Variants in ADGRV1 observed in about 807,000 individuals in gnomAD.
ADGRV1 encodes adhesion G protein-coupled receptor V1, also known as G-protein coupled receptor 98.
ADGRV1 carries 359 observed loss-of-function variants against 596.2 expected under a neutral mutation model. That is an observed-to-expected ratio of 0.60 (90% CI 0.55 to 0.66). The LOEUF (loss-of-function observed/expected upper bound fraction) is 0.66, where lower values mean the gene tolerates loss of function less well. ADGRV1 is among the 30% of genes least tolerant of loss of function. The probability of loss-of-function intolerance (pLI) is 0.00; values close to 1 mark genes in which losing one functional copy is unlikely to be tolerated. For synonymous variants in ADGRV1, 2,681 were observed against 2,679.2 expected (o/e 1.00, Z -0.02); for missense variants, 7,274 against 7,575.6 (o/e 0.96, Z 1.48).
chr5:91,131,188 T>C (rs569888737), intron 87 of ADGRV1, among the ~76,000 whole-genome samples: 50 of 152,326 alleles, frequency 3.3e-4, no homozygotes, highest in African/African-American at 1.2e-3. Context: ...ATTTGAGAAA[T>C]CTCCAAACTG....
At chr5:90,980,529 G>T (rs912576621) in intron 84 of ADGRV1, among the ~76,000 whole-genome samples, 1 of 152,124 alleles carries the variant, frequency 6.6e-6, no homozygotes, top group South Asian at 2.1e-4. Context: ...AGGGTGGGTG[G>T]TCTTAAGATA....
At chr5:90,559,042 C>T (rs1754448865) in intron 1 of ADGRV1, 125 bp downstream of exon 1, 2 of 795,540 alleles carry the variant, frequency 2.5e-6, no homozygotes, top group Non-Finnish European at 3.6e-6. Context: ...CAGCCGGGCC[C>T]AGGGAGGCTG....
intron 9 of ADGRV1, 26 bp from the exon 10 acceptor site, chr5:90,635,088 A>G (rs780866150): frequency 2.1e-6 from 3 of 1,446,492 alleles, no homozygotes; most frequent in Non-Finnish European, 2.9e-6. Flanking sequence ...AATTCTTACT[A>G]CTTTTTGTGT....
chr5:90,790,939 A>G lies in ADGRV1; in HGVS notation c.14110A>G (p.Thr4704Ala), dbSNP rs1760001225. The change falls in exon 70 of 90, where the codon ACC becomes GCC. Residue 4704 changes from threonine (T) to alanine (A), a missense_variant. By Grantham distance (58) the Thr-to-Ala change is moderately conservative. This residue lies in a region of ADGRV1 where 1,874 missense variants were observed against 1,970.2 expected (regional missense o/e 0.95). Coordinates refer to ENST00000405460, the MANE Select transcript of ADGRV1 (RefSeq NM_032119.4). ...EDFLSTSGFFTIADGESEASF... is the reference protein window; with the variant it reads ...EDFLSTSGFFAIADGESEASF... Reference sequence around the variant, plus strand: ...CTTTCTTTCCACCAGTGGATTTTTCACCATTGCTGATGGAGAGAGTGAAGC... The same window carrying G: ...CTTTCTTTCCACCAGTGGATTTTTCGCCATTGCTGATGGAGAGAGTGAAGC... The G allele has an allele frequency of 6.2e-7, 1 of 1,612,302 alleles. No homozygotes were observed. The highest frequency in any genetic ancestry group is 8.5e-7 in the Non-Finnish European group (1 of 1,179,812).
At chr5:90,861,372 T>C (rs765068159) in intron 82 of ADGRV1, among the ~76,000 whole-genome samples, 2 of 152,152 alleles carry the variant, frequency 1.3e-5, no homozygotes, top group Non-Finnish European at 2.9e-5. Flanking sequence ...TGCAGTGGTG[T>C]GATCTTGGCT....
At chr5:91,123,333 C>T (rs1379041181) in intron 87 of ADGRV1, among the ~76,000 whole-genome samples, 1 of 152,082 alleles carries the variant, frequency 6.6e-6, no homozygotes, top group Non-Finnish European at 1.5e-5. Context: ...ACTTATAGCT[C>T]ATAGTTCTGG....
chr5:91,037,025 A>G lies in ADGRV1; in HGVS notation c.18153-35422A>G, dbSNP rs1315448462. On this transcript the variant is annotated intron_variant, in intron 85 of 89. Transcript: ENST00000405460. ...TTCATGGATACTGACAGATATGAAC[A>G]TTCTGGGTCAGAGACAAAGCAATTT... Among the ~76,000 whole-genome samples the G allele has an allele frequency of 2.6e-5, 4 of 152,194 alleles. No homozygotes were observed. In the South Asian group the frequency reaches 8.3e-4, roughly 32 times the overall value.
At chr5:90,737,657 T>A (rs912650062) in intron 50 of ADGRV1, among the ~76,000 whole-genome samples, 2 of 152,008 alleles carry the variant, frequency 1.3e-5, no homozygotes, top group African/African-American at 4.8e-5. Flanking sequence ...TCTTGATGAA[T>A]TTACCCTCTT....
Position 90,810,679 on chromosome 5 carries a change from C to A in ADGRV1, c.15419C>A (p.Thr5140Lys), listed in dbSNP as rs1392365265. 2 of 1,613,920 alleles carry A rather than the reference C, an allele frequency of 1.2e-6. No individual in the cohort carries two copies. The highest frequency in any genetic ancestry group is 1.7e-5 in the Admixed American group (1 of 60,018). Residue 5140 changes from threonine (T) to lysine (K), a missense_variant, in exon 74 of 90, where the codon ACA becomes AAA. By Grantham distance (78) the Thr-to-Lys change is moderately conservative (BLOSUM62 -1). Transcript: ENST00000405460. ...GGAATGGATATTTCCTTCCCCGAGA[C>A]AACTGTGGCTGTAGCAGTTGACACA... ...LAGMDISFPE[T>K]TVAVAVDTTL...
At chr5:90,774,337 G>C in intron 60 of ADGRV1, 34 bp downstream of exon 60, 1 of 1,219,390 alleles carries the variant, frequency 8.2e-7, no homozygotes, top group Non-Finnish European at 1.2e-6. Context: ...AAATTAAAAA[G>C]TAAATTCTCA....
chr5:90,728,594 TATG>T, intron 48 of ADGRV1, 72 bp from the exon 49 acceptor site: 1 of 1,169,876 alleles, frequency 8.5e-7, no homozygotes, highest in Non-Finnish European at 1.2e-6. Context: ...AGAGTAAACA[TATG>T]GTATTGATTA....
intron 84 of ADGRV1, among the ~76,000 whole-genome samples, chr5:90,979,255 G>A (rs1208990474): frequency 6.6e-6 from 1 of 150,844 alleles, no homozygotes; most frequent in Admixed American, 6.6e-5. Context: ...TGCAACCTCC[G>A]CCTCCCTGGC....
chr5:91,001,553 CTGTT>C (rs1297639144), intron 85 of ADGRV1, among the ~76,000 whole-genome samples: 3 of 151,894 alleles, frequency 2.0e-5, no homozygotes, highest in South Asian at 2.1e-4. Flanking sequence ...TACTTACAAA[CTGTT>C]TGTATTTTTT....
intron 65 of ADGRV1, among the ~76,000 whole-genome samples, chr5:90,782,679 T>C (rs1758977578): frequency 6.6e-6 from 1 of 152,158 alleles, no homozygotes; most frequent in South Asian, 2.1e-4. Context: ...TTTTAAAAAT[T>C]CATATGATAT....
chr5:90,822,561 G>A (rs868083727), intron 75 of ADGRV1, among the ~76,000 whole-genome samples: 5 of 152,240 alleles, frequency 3.3e-5, no homozygotes, highest in Admixed American at 1.3e-4. Flanking sequence ...GTCAGGTAGC[G>A]TGATGCCTCC....
At chr5:90,909,866 C>G (rs1772690985) in intron 83 of ADGRV1, among the ~76,000 whole-genome samples, 1 of 151,884 alleles carries the variant, frequency 6.6e-6, no homozygotes, top group Non-Finnish European at 1.5e-5. Context: ...ATTTAAAATA[C>G]AGAAGAAACA....
In ADGRV1 at chr5:90,790,887, A is replaced by T. The variant is rs1202044634; in HGVS notation, c.14058A>T (p.Leu4686Phe). 1.2e-6 allele frequency: 2 copies of T among 1,605,548 alleles called. No individual in the cohort carries two copies. Reference sequence around the variant, plus strand: ...TTTTATTTTAGGTTTACTGGGAATTAAGTAGTGAGTTTGACATTACTGAAG... The same window carrying T: ...TTTTATTTTAGGTTTACTGGGAATTTAGTAGTGAGTTTGACATTACTGAAG... ...TFGEIMVYWE[L>F]SSEFDITEDF... The change falls in exon 70 of 90, where the codon TTA becomes TTT. Residue 4686 changes from leucine to phenylalanine, a missense_variant. Coordinates refer to ENST00000405460, the MANE Select transcript of ADGRV1 (RefSeq NM_032119.4).
intron 68 of ADGRV1, among the ~76,000 whole-genome samples, chr5:90,788,811 CAG>C (rs72309874): frequency 0.035 from 5,320 of 151,890 alleles, 322 homozygotes; most frequent in African/African-American, 0.12. Context: ...CTATATCAGT[CAG>C]AGTTTTCCTG....
intron 79 of ADGRV1, 82 bp downstream of exon 79, chr5:90,848,903 AT>A: frequency 2.1e-6 from 2 of 958,856 alleles, no homozygotes; most frequent in Non-Finnish European, 3.1e-6. Flanking sequence ...GCAAAATGAC[AT>A]TTAGATGATG....
Sources: allele counts gnomAD v4.1 joint callset (sites outside exome capture counted in the v4.1 genomes callset), GRCh38; gene constraint gnomAD v4.1.1; regional missense constraint gnomAD v4.1.1; transcripts MANE v1.5; gene names NCBI Gene and HGNC (gene_info 2026-07-23, HGNC 2026-07-21).